GALK2: variants seen among roughly 807,000 people sequenced by gnomAD.
GALK2 encodes the protein N-acetylgalactosamine kinase.
Under a neutral mutation model 52.4 loss-of-function variants are expected in GALK2, and 36 were observed. That is an observed-to-expected ratio of 0.69 (90% CI 0.53 to 0.91). The LOEUF (loss-of-function observed/expected upper bound fraction) is 0.91, where lower values mean the gene tolerates loss of function less well. Among genes scored for constraint, GALK2 ranks in the 40% least tolerant of loss-of-function variants. GALK2 has a pLI of 0.00. For missense variants in GALK2, 579 were observed against 559.1 expected (o/e 1.04, Z -0.36); for synonymous variants, 176 against 199.1 (o/e 0.88, Z 0.98).
At chr15:49,291,002 C>A (rs564608116) in intron 7 of GALK2, among the ~76,000 whole-genome samples, 1 of 152,102 alleles carries the variant, frequency 6.6e-6, no homozygotes, top group Non-Finnish European at 1.5e-5. Flanking sequence ...ATCACCCAGG[C>A]CGGAGCACAG....
chr15:49,365,828 C>CCATGCTT, intron 3 of GALK2: 1 of 876,198 alleles, frequency 1.1e-6, no homozygotes, highest in Non-Finnish European at 2.0e-6. Context: ...AGTCTCACTT[C>CCATGCTT]CATGCTTTTG....
chr15:49,175,337 C>T (rs1297861739), intron 1 of GALK2, among the ~76,000 whole-genome samples: 1 of 152,088 alleles, frequency 6.6e-6, no homozygotes, highest in Non-Finnish European at 1.5e-5. Context: ...GATCATAAGT[C>T]AGAGTTAGGA....
In GALK2 at chr15:49,192,485, G is replaced by GTATATATA. The variant is rs58230206; in HGVS notation, c.54-8644_54-8637dup. Reference sequence around the variant, plus strand: ...TCTGCAATGAATATTATATATATATGTATATATATATATATATATATATAT... The same window carrying GTATATATA: ...TCTGCAATGAATATTATATATATATGTATATATATATATATATATATATATATATATAT... On this transcript the variant is annotated intron_variant, in intron 1 of 9. Transcript: ENST00000560031. Among the ~76,000 whole-genome samples, 945 of 102,778 alleles carry GTATATATA rather than the reference G, an allele frequency of 9.2e-3. 40 individuals carry two copies. The highest frequency in any genetic ancestry group is 0.02 in the East Asian group (66 of 3,350). The allele number at this position is 102,778 out of a possible 152,430, so 67.4% of individuals were successfully genotyped here. A position where few individuals can be genotyped will look rare whatever the true frequency, so the allele number is the denominator to read the frequency against.
upstream of GALK2, among the ~76,000 whole-genome samples, chr15:49,165,653 T>C (rs2084795182): frequency 6.6e-6 from 1 of 152,124 alleles, no homozygotes; most frequent in Non-Finnish European, 1.5e-5. Context: ...TTTAAAATGA[T>C]ATTTTGGTGT....
chr15:49,299,948 A>G (rs144683023), intron 8 of GALK2, among the ~76,000 whole-genome samples: 2 of 151,712 alleles, frequency 1.3e-5, no homozygotes, highest in Admixed American at 1.3e-4. Flanking sequence ...TATTCTATAG[A>G]TATCTGTTAG....
chr15:49,159,397 A>G lies in GALK2; in HGVS notation c.20+3381A>G, dbSNP rs538528915. The stretch of plus-strand genomic sequence containing the variant: ...TTGAGACCAGCCTGGCCAGCATGGC[A>G]AAACCCTGTCTCTGCTAAAAATACA... On this transcript the variant is annotated intron_variant, in intron 1 of 9. Coordinates refer to the GALK2 transcript ENST00000327171. Among the ~76,000 whole-genome samples, 5 of 152,032 alleles carry G rather than the reference A, an allele frequency of 3.3e-5. No individual in the cohort carries two copies. In the South Asian group the frequency reaches 8.3e-4, roughly 25 times the overall value.
At chr15:49,264,488 T>A (rs1220590756) in intron 5 of GALK2, among the ~76,000 whole-genome samples, 1 of 152,194 alleles carries the variant, frequency 6.6e-6, no homozygotes, top group East Asian at 1.9e-4. Flanking sequence ...TTTTTCAAAG[T>A]TTTCAACTTC....
At chr15:49,203,037 ATT>A (rs2087921911) in intron 2 of GALK2, among the ~76,000 whole-genome samples, 1 of 149,246 alleles carries the variant, frequency 6.7e-6, no homozygotes, top group Non-Finnish European at 1.5e-5. Flanking sequence ...GCCAATTTTT[ATT>A]TTATTTTATT....
chr15:49,256,722 C>T (rs1168189975), intron 5 of GALK2, among the ~76,000 whole-genome samples: 3 of 152,076 alleles, frequency 2.0e-5, no homozygotes, highest in African/African-American at 7.2e-5. Flanking sequence ...ATGTCAATAT[C>T]CTATTAACTT....
chr15:49,296,773 G>A (rs2034519178), intron 8 of GALK2, among the ~76,000 whole-genome samples: 1 of 152,012 alleles, frequency 6.6e-6, no homozygotes, highest in Non-Finnish European at 1.5e-5. Context: ...CTAATTTTTT[G>A]TATTTTTAGT....
At chr15:49,167,579 G>A (rs1400181733), upstream of GALK2, among the ~76,000 whole-genome samples, 2 of 152,118 alleles carry the variant, frequency 1.3e-5, no homozygotes, top group East Asian at 3.9e-4. Context: ...GGCCGTTCTC[G>A]AACTCCTGAC....
chr15:49,348,835 T>G (rs2151286582), intron 3 of GALK2, among the ~76,000 whole-genome samples: 1 of 152,356 alleles, frequency 6.6e-6, no homozygotes, highest in East Asian at 1.9e-4. Context: ...GATATTCACT[T>G]AAACTATTTG....
chr15:49,285,899 A>G (rs1263153694), intron 7 of GALK2, among the ~76,000 whole-genome samples: 1 of 152,186 alleles, frequency 6.6e-6, no homozygotes, highest in East Asian at 1.9e-4. Flanking sequence ...CACGACCTGG[A>G]GAGCCACCAT....
intron 3 of GALK2, chr15:49,353,421 T>C (rs898978290): frequency 6.6e-6 from 1 of 152,186 alleles, no homozygotes; most frequent in African/African-American, 2.4e-5. Context: ...CTCCATCATA[T>C]TTTGGCAGAG....
intron 9 of GALK2, among the ~76,000 whole-genome samples, chr15:49,323,889 TTAAA>T (rs1220208763): frequency 6.6e-6 from 1 of 152,140 alleles, no homozygotes; most frequent in Admixed American, 6.5e-5. Context: ...ATGTTAGAAC[TTAAA>T]TTATATGAAA....
chr15:49,281,956 T>C (rs747737443), intron 5 of GALK2, 31 bp from the exon 6 acceptor site: 2 of 1,503,964 alleles, frequency 1.3e-6, no homozygotes, highest in Admixed American at 1.7e-5. Context: ...TTATGACTAC[T>C]CACAGTACAA....
At chr15:49,208,130 G>A (rs1327374028) in intron 2 of GALK2, among the ~76,000 whole-genome samples, 5 of 152,100 alleles carry the variant, frequency 3.3e-5, no homozygotes, top group African/African-American at 1.2e-4. Flanking sequence ...TATTTTGTTT[G>A]TTTGTTTGTT....
At chr15:49,317,758 A>AG (rs2036538180) in intron 8 of GALK2, among the ~76,000 whole-genome samples, 1 of 152,224 alleles carries the variant, frequency 6.6e-6, no homozygotes, top group African/African-American at 2.4e-5. Flanking sequence ...TGTCCTTTAC[A>AG]GGGACATGGA....
intron 3 of GALK2, among the ~76,000 whole-genome samples, chr15:49,355,865 A>T (rs889726327): frequency 1.4e-4 from 21 of 152,218 alleles, no homozygotes; most frequent in African/African-American, 5.1e-4. Context: ...CCTCAAAGGG[A>T]AGCCCATCAG....
Sources: allele counts gnomAD v4.1 joint callset (sites outside exome capture counted in the v4.1 genomes callset), GRCh38; gene constraint gnomAD v4.1.1; transcripts MANE v1.5; gene names NCBI Gene and HGNC (gene_info 2026-07-23, HGNC 2026-07-21).